The following CNTNAP2 variants were observed in gnomAD, a reference collection of about 807,000 sequenced individuals.
CNTNAP2 encodes contactin-associated protein-like 2.
A neutral mutation model predicts 155.2 loss-of-function variants in CNTNAP2; 98 were observed. That is an observed-to-expected ratio of 0.63 (90% CI 0.54 to 0.75). The LOEUF (loss-of-function observed/expected upper bound fraction) is 0.75. CNTNAP2 is among the 30% of genes least tolerant of loss of function. The pLI is 0.00. For synonymous variants in CNTNAP2, 651 were observed against 631.2 expected (o/e 1.03, Z -0.47); for missense variants, 1,727 against 1,688.1 (o/e 1.02, Z -0.40).
intron 1 of CNTNAP2, among the ~76,000 whole-genome samples, chr7:146,356,548 A>G (rs531357285): frequency 1.6e-4 from 24 of 152,290 alleles, no homozygotes; most frequent in African/African-American, 5.8e-4. Flanking sequence ...TGGAATCAAT[A>G]AGCTAATGAA....
intron 1 of CNTNAP2, among the ~76,000 whole-genome samples, chr7:146,298,860 C>A (rs1300261932): frequency 6.6e-6 from 1 of 152,178 alleles, no homozygotes; most frequent in Non-Finnish European, 1.5e-5. Flanking sequence ...ATGCCCTTGA[C>A]AGTCACTGTG....
In CNTNAP2 at chr7:147,292,001, T is replaced by A. The variant is rs117903603; in HGVS notation, c.1349-8140T>A. 3.1e-3 allele frequency among the ~76,000 whole-genome samples: 468 copies of A among 152,308 alleles called. 2 individuals are homozygous for A. The highest frequency in any genetic ancestry group is 3.9e-3 in the Admixed American group (59 of 15,296). ...TATTTTAGTATATTCTGTTTTAAGA[T>A]ACATGCACTGAAAATAATTTTTCCT... On this transcript the variant is annotated intron_variant, in intron 8 of 23. Coordinates refer to ENST00000361727, the MANE Select transcript of CNTNAP2 (RefSeq NM_014141.6).
chr7:146,592,932 A>T (rs1798804870), intron 1 of CNTNAP2, among the ~76,000 whole-genome samples: 1 of 151,930 alleles, frequency 6.6e-6, no homozygotes. Context: ...TCTCCTTAGC[A>T]ACCTCCAGGT....
At chr7:147,079,456 A>G (rs1800069723) in intron 4 of CNTNAP2, among the ~76,000 whole-genome samples, 1 of 151,996 alleles carries the variant, frequency 6.6e-6, no homozygotes, top group Non-Finnish European at 1.5e-5. Flanking sequence ...TCTTTATAAT[A>G]CACACCCTGG....
rs59354674 is a variant in CNTNAP2, at chr7:148,302,813, C to CTTTT, written c.3475+35707_3475+35710dup. On this transcript the variant is annotated intron_variant, in intron 21 of 23. Transcript: ENST00000361727. ...TATAAATTACTCAGTCTCGATTATT[C>CTTTT]TTTTTTTTTTTTTTTTTTTTTTTGA... Among the ~76,000 whole-genome samples the CTTTT allele has an allele frequency of 3.5e-3, 303 of 86,910 alleles. 2 individuals are homozygous for CTTTT. The highest frequency in any genetic ancestry group is 4.3e-3 in the Non-Finnish European group (209 of 48,862). The allele number at this position is 86,910 out of a possible 152,430, so 57.0% of individuals were successfully genotyped here. A position where few individuals can be genotyped will look rare whatever the true frequency, so the allele number is the denominator to read the frequency against.
At chr7:146,693,102 C>A (rs1800724759) in intron 1 of CNTNAP2, among the ~76,000 whole-genome samples, 1 of 151,944 alleles carries the variant, frequency 6.6e-6, no homozygotes, top group Non-Finnish European at 1.5e-5. Flanking sequence ...GGCTTGTTAG[C>A]TATAAAATGG....
chr7:148,121,255 G>A (rs1227899834), intron 16 of CNTNAP2, among the ~76,000 whole-genome samples: 2 of 151,980 alleles, frequency 1.3e-5, no homozygotes, highest in Non-Finnish European at 2.9e-5. Flanking sequence ...GGCTGGTCTC[G>A]AACTCCTGAC....
chr7:146,966,576 G>A (rs1797662069), intron 3 of CNTNAP2, among the ~76,000 whole-genome samples: 1 of 152,154 alleles, frequency 6.6e-6, no homozygotes. Flanking sequence ...CTACTATTGA[G>A]GGTTTCATCC....
At chr7:146,431,658 A>T (rs1343275112) in intron 1 of CNTNAP2, among the ~76,000 whole-genome samples, 2 of 152,086 alleles carry the variant, frequency 1.3e-5, no homozygotes, top group Admixed American at 6.6e-5. Flanking sequence ...TAATGAGAAG[A>T]CTGCGTTATC....
At chr7:146,400,470 T>A (rs1375874077) in intron 1 of CNTNAP2, among the ~76,000 whole-genome samples, 1 of 152,208 alleles carries the variant, frequency 6.6e-6, no homozygotes, top group East Asian at 1.9e-4. Flanking sequence ...AGTTATCTCT[T>A]ATAAGCAAAA....
chr7:148,251,648 T>A (rs1464432307), intron 20 of CNTNAP2, among the ~76,000 whole-genome samples: 1 of 152,200 alleles, frequency 6.6e-6, no homozygotes, highest in Non-Finnish European at 1.5e-5. Flanking sequence ...CTTACATGAA[T>A]GCCCTTCTCT....
At chr7:147,486,124 T>G in intron 11 of CNTNAP2, 83 bp downstream of exon 11, 1 of 1,116,734 alleles carries the variant, frequency 9.0e-7, no homozygotes, top group South Asian at 1.3e-5. Context: ...CTCAGCAACC[T>G]GAATAATCCA....
rs899675772 is a variant in CNTNAP2, at chr7:146,460,421, T to A, written c.98-313850T>A. ...TACTCTATGATCTAGCAATCTTACT[T>A]CTGGGTATATAGCCAAAGGAAATGA... On this transcript the variant is annotated intron_variant, in intron 1 of 23. Coordinates refer to ENST00000361727, the MANE Select transcript of CNTNAP2 (RefSeq NM_014141.6). 2.6e-5 allele frequency among the ~76,000 whole-genome samples: 4 copies of A among 152,254 alleles called. No individual in the cohort carries two copies. The East Asian group carries it at 7.7e-4, about 29-fold the overall frequency.
At chr7:148,060,546 C>T (rs954446953) in intron 15 of CNTNAP2, among the ~76,000 whole-genome samples, 3 of 152,118 alleles carry the variant, frequency 2.0e-5, no homozygotes, top group African/African-American at 7.2e-5. Flanking sequence ...AGACAACAAA[C>T]TCATATTGTT....
chr7:146,444,490 G>A (rs1796373088), intron 1 of CNTNAP2, among the ~76,000 whole-genome samples: 1 of 152,098 alleles, frequency 6.6e-6, no homozygotes, highest in Non-Finnish European at 1.5e-5. Flanking sequence ...ATACATCCTG[G>A]ACTGGATACA....
At chr7:147,464,751 T>C (rs765223514) in intron 10 of CNTNAP2, among the ~76,000 whole-genome samples, 2 of 152,180 alleles carry the variant, frequency 1.3e-5, no homozygotes, top group Non-Finnish European at 2.9e-5. Flanking sequence ...CATACACACA[T>C]GCATCATGAC....
At chr7:146,662,260 C>A (rs1585030366) in intron 1 of CNTNAP2, among the ~76,000 whole-genome samples, 2 of 152,144 alleles carry the variant, frequency 1.3e-5, no homozygotes, top group East Asian at 3.9e-4. Context: ...GCCTTCGCCA[C>A]CCGAGTAGCT....
At chr7:146,757,536 C>T (rs1802014055) in intron 1 of CNTNAP2, among the ~76,000 whole-genome samples, 1 of 152,064 alleles carries the variant, frequency 6.6e-6, no homozygotes, top group African/African-American at 2.4e-5. Context: ...CCAGAAATGT[C>T]AGCTATAAAA....
intron 1 of CNTNAP2, among the ~76,000 whole-genome samples, chr7:146,354,133 C>G (rs1794962582): frequency 6.6e-6 from 1 of 152,108 alleles, no homozygotes; most frequent in African/African-American, 2.4e-5. Flanking sequence ...GAAGATAATT[C>G]AACACTAGGA....
Sources: allele counts gnomAD v4.1 joint callset (sites outside exome capture counted in the v4.1 genomes callset), GRCh38; gene constraint gnomAD v4.1.1; transcripts MANE v1.5; gene names NCBI Gene and HGNC (gene_info 2026-07-23, HGNC 2026-07-21).